Variants in PCSK2 observed in about 807,000 individuals in gnomAD.
PCSK2 encodes the protein neuroendocrine convertase 2.
PCSK2 carries 14 observed loss-of-function variants against 69.7 expected under a neutral mutation model. The observed-to-expected ratio is 0.20, with a 90% CI of 0.13 to 0.31. The LOEUF (loss-of-function observed/expected upper bound fraction) is 0.31. Among genes scored for constraint, PCSK2 ranks in the 10% least tolerant of loss-of-function variants. The pLI is 1.00. For missense variants in PCSK2, 544 were observed against 842.5 expected (o/e 0.65, Z 4.39); for synonymous variants, 307 against 320.7 (o/e 0.96, Z 0.46).
intron 1 of PCSK2, among the ~76,000 whole-genome samples, chr20:17,253,861 G>A (rs1987083024): frequency 6.6e-6 from 1 of 152,070 alleles, no homozygotes; most frequent in Admixed American, 6.5e-5. Flanking sequence ...CCCTATCCAG[G>A]TCAACACTTG....
chr20:17,354,895 G>T (rs1447519307), intron 2 of PCSK2, among the ~76,000 whole-genome samples: 1 of 150,286 alleles, frequency 6.7e-6, no homozygotes. Context: ...TGGTATCATT[G>T]TGGGGAAAAA....
Position 17,429,474 on chromosome 20 carries a change from C to T in PCSK2, c.660C>T (p.Ala220=), listed in dbSNP as rs189511493. ...TRCAGEVSAA[A]NNNICGVGVA... ...GTGCAGGAGAAGTTTCTGCTGCCGCCAACAACAATATCTGTGGAGTTGGAG... is the reference window on the plus strand; with the variant it reads ...GTGCAGGAGAAGTTTCTGCTGCCGCTAACAACAATATCTGTGGAGTTGGAG... The change falls in exon 7 of 12, where the codon GCC becomes GCT. Residue 220 remains alanine (A), a synonymous_variant. Transcript: ENST00000262545. 100 of 1,613,866 alleles carry T rather than the reference C, an allele frequency of 6.2e-5. No homozygotes were observed. In the East Asian group the frequency reaches 2.1e-3, roughly 34 times the overall value.
chr20:17,353,463 C>CA (rs372975691), intron 2 of PCSK2, among the ~76,000 whole-genome samples: 4 of 126,460 alleles, frequency 3.2e-5, no homozygotes, highest in African/African-American at 2.9e-5. Flanking sequence ...GACTCCATCA[C>CA]ACAAAAAAAA....
In PCSK2 at chr20:17,481,647, A is replaced by T. The variant is rs2033404335; in HGVS notation, c.1494A>T (p.Glu498Asp). 6.2e-7 allele frequency: 1 copy of T among 1,613,976 alleles called. No homozygotes were observed. Among genetic ancestry groups the T allele is most frequent in the Non-Finnish European group, 8.5e-7 (1 of 1,180,030 alleles). ...CAACCGACGCCTGTGAGGGGAAGGA[A>T]AATTTTGTCCGCTACCTGGAGCATG... ...TLTTDACEGK[E>D]NFVRYLEHVQ... The change falls in exon 12 of 12, where the codon GAA becomes GAT. Residue 498 changes from glutamate (E) to aspartate (D), a missense_variant. Physicochemically the swap from Glu to Asp is conservative, Grantham distance 45. This residue lies in a region of PCSK2 where 200 missense variants were observed against 287.8 expected (regional missense o/e 0.69). Coordinates refer to ENST00000262545, the MANE Select transcript of PCSK2 (RefSeq NM_002594.5).
At chr20:17,395,803 A>G (rs551736259) in intron 5 of PCSK2, among the ~76,000 whole-genome samples, 1 of 152,344 alleles carries the variant, frequency 6.6e-6, no homozygotes, top group East Asian at 1.9e-4. Context: ...AAAGTTTCCA[A>G]TCAATGATAT....
chr20:17,361,399 G>A (rs1600521469), intron 4 of PCSK2, among the ~76,000 whole-genome samples: 1 of 152,174 alleles, frequency 6.6e-6, no homozygotes, highest in East Asian at 1.9e-4. Flanking sequence ...TGATGAATTG[G>A]CATTTTTCCA....
At chr20:17,364,080 A>G (rs2030504040) in intron 4 of PCSK2, among the ~76,000 whole-genome samples, 1 of 152,168 alleles carries the variant, frequency 6.6e-6, no homozygotes, top group Admixed American at 6.5e-5. Context: ...TGGCACATGT[A>G]TACACATGTA....
chr20:17,346,730 T>G (rs189689708), intron 2 of PCSK2, among the ~76,000 whole-genome samples: 278 of 152,344 alleles, frequency 1.8e-3, no homozygotes, highest in Non-Finnish European at 3.3e-3. Context: ...TGCCGTAATA[T>G]CTGGCATAGA....
chr20:17,462,946 T>C (rs955757903), intron 10 of PCSK2, among the ~76,000 whole-genome samples: 6 of 152,190 alleles, frequency 3.9e-5, no homozygotes, highest in African/African-American at 7.2e-5. Context: ...TTACAGAATA[T>C]TGTAGTCTGT....
At chr20:17,345,158 C>T (rs1055104721) in intron 2 of PCSK2, among the ~76,000 whole-genome samples, 7 of 152,064 alleles carry the variant, frequency 4.6e-5, no homozygotes, top group Admixed American at 3.3e-4. Context: ...GGTCAGTGTG[C>T]GTGTGCTCAG....
Position 17,227,298 on chromosome 20 carries a change from AAAG to A in PCSK2, c.-4_-2del, listed in dbSNP as rs746930005. Reference sequence around the variant, plus strand: ...CCTCCTAGCACCACTTTTCACTCCCAAAGAAGGATGAAGGGTGGTTGTGTCTCC... The same window carrying A: ...CCTCCTAGCACCACTTTTCACTCCCAAAGGATGAAGGGTGGTTGTGTCTCC... On this transcript the variant is annotated 5_prime_UTR_variant, in exon 1 of 12. Transcript: ENST00000262545. The A allele has an allele frequency of 3.5e-5, 56 of 1,612,798 alleles. 1 individual carries two copies. In the South Asian group the frequency reaches 5.8e-4, roughly 17 times the overall value.
At chr20:17,417,960 A>G (rs1369489933) in intron 6 of PCSK2, among the ~76,000 whole-genome samples, 1 of 152,214 alleles carries the variant, frequency 6.6e-6, no homozygotes, top group Non-Finnish European at 1.5e-5. Flanking sequence ...CGGCATAAAA[A>G]GAGGTAATAA....
At chr20:17,432,619 G>A (rs1378469409) in intron 7 of PCSK2, among the ~76,000 whole-genome samples, 1 of 151,996 alleles carries the variant, frequency 6.6e-6, no homozygotes, top group Non-Finnish European at 1.5e-5. Context: ...CAAAAAGATT[G>A]AGTCAAAAAT....
intron 8 of PCSK2, among the ~76,000 whole-genome samples, chr20:17,443,220 G>A (rs975009733): frequency 3.3e-5 from 5 of 152,170 alleles, no homozygotes; most frequent in African/African-American, 9.7e-5. Context: ...TAGTGAAGAC[G>A]CTTTATTACA....
chr20:17,402,712 T>C (rs1374340662), intron 5 of PCSK2, among the ~76,000 whole-genome samples: 1 of 150,194 alleles, frequency 6.7e-6, no homozygotes, highest in Non-Finnish European at 1.5e-5. Flanking sequence ...CCCAGCACTT[T>C]GGGAGGCCAA....
chr20:17,302,844 T>G (rs1330347398), intron 2 of PCSK2, among the ~76,000 whole-genome samples: 2 of 152,212 alleles, frequency 1.3e-5, no homozygotes, highest in East Asian at 3.9e-4. Context: ...GTTGTTGGTG[T>G]TGTTATTCTT....
intron 2 of PCSK2, among the ~76,000 whole-genome samples, chr20:17,296,380 A>G (rs923514411): frequency 2.0e-5 from 3 of 152,248 alleles, no homozygotes; most frequent in African/African-American, 7.2e-5. Context: ...ATAAAGAATT[A>G]CCAACTTTTA....
intron 1 of PCSK2, among the ~76,000 whole-genome samples, chr20:17,237,822 A>G (rs1986402926): frequency 6.6e-6 from 1 of 152,188 alleles, no homozygotes; most frequent in Admixed American, 6.5e-5. Flanking sequence ...GGGTAACTGG[A>G]ACTCAATCCC....
intron 2 of PCSK2, among the ~76,000 whole-genome samples, chr20:17,270,327 A>C (rs1460367323): frequency 6.6e-6 from 1 of 152,174 alleles, no homozygotes; most frequent in Non-Finnish European, 1.5e-5. Flanking sequence ...ACGGTCTTAA[A>C]GCCAAACCAA....
Sources: allele counts gnomAD v4.1 joint callset (sites outside exome capture counted in the v4.1 genomes callset), GRCh38; gene constraint gnomAD v4.1.1; regional missense constraint gnomAD v4.1.1; transcripts MANE v1.5; gene names NCBI Gene and HGNC (gene_info 2026-07-23, HGNC 2026-07-21).